Variants in ZNF398 observed in about 807,000 individuals in gnomAD.
The protein encoded by ZNF398 is zinc finger protein 398.
In ZNF398, 18 loss-of-function variants were observed where a neutral mutation model predicts 41.9. That is an observed-to-expected ratio of 0.43 (90% CI 0.30 to 0.64). The LOEUF is 0.64. Ranked by LOEUF, ZNF398 falls within the 30% of genes least tolerant of loss-of-function variation. The pLI, the probability that ZNF398 is intolerant of heterozygous loss-of-function variation, is 0.14. For missense variants in ZNF398, 669 were observed against 822.8 expected, an observed-to-expected ratio of 0.81 and a Z score of 2.29; for synonymous variants, 260 against 308.8, an observed-to-expected ratio of 0.84 and a Z score of 1.66.
chr7:149,157,276 T>C (rs1169435752), intron 2 of ZNF398, among the ~76,000 whole-genome samples: 1 of 152,172 alleles, frequency 6.6e-6, no homozygotes, highest in East Asian at 1.9e-4. Context: ...GGCTAATGCC[T>C]GTAATCCCAG....
chr7:149,171,367 A>AT (rs1795339518), intron 4 of ZNF398, among the ~76,000 whole-genome samples: 1 of 151,658 alleles, frequency 6.6e-6, no homozygotes, highest in Non-Finnish European at 1.5e-5. Context: ...CTATTTTTAA[A>AT]TTTTTTTACT....
At chr7:149,159,317 A>C (rs186311996) in intron 2 of ZNF398, among the ~76,000 whole-genome samples, 1 of 152,150 alleles carries the variant, frequency 6.6e-6, no homozygotes, top group African/African-American at 2.4e-5. Context: ...TACTAAATTG[A>C]AATATGAGAA....
chr7:149,171,017 T>G (rs6975613), intron 4 of ZNF398, among the ~76,000 whole-genome samples: 79,697 of 138,212 alleles, frequency 0.58, 24,425 homozygotes, highest in East Asian at 0.9. Flanking sequence ...CTAATTTTTT[T>G]TTTTTTTTTT....
intron 1 of ZNF398, 31 bp from the exon 2 acceptor site, chr7:149,153,914 A>G (rs1419379030): frequency 2.5e-6 from 4 of 1,580,892 alleles, no homozygotes; most frequent in East Asian, 2.2e-5. Context: ...CTAACACTCA[A>G]TGTCTTGTTC....
At chr7:149,137,873 A>G (rs1826745355) in intron 2 of ZNF398, among the ~76,000 whole-genome samples, 1 of 152,208 alleles carries the variant, frequency 6.6e-6, no homozygotes, top group Non-Finnish European at 1.5e-5. Flanking sequence ...AGCATCCATA[A>G]GATGAAATAT....
At chr7:149,170,717 AGAGC>A (rs1489683638) in intron 4 of ZNF398, among the ~76,000 whole-genome samples, 11 of 152,046 alleles carry the variant, frequency 7.2e-5, no homozygotes, top group Admixed American at 5.9e-4. Context: ...CCTGGGCAAC[AGAGC>A]GAGACTCCAT....
chr7:149,133,250 G>A (rs1267374536), intron 2 of ZNF398, among the ~76,000 whole-genome samples: 3 of 151,684 alleles, frequency 2.0e-5, no homozygotes, highest in Non-Finnish European at 4.4e-5. Flanking sequence ...CAAGTAGCTG[G>A]GATTATAGGC....
chr7:149,164,868 G>C (rs571490065), intron 2 of ZNF398, among the ~76,000 whole-genome samples: 3 of 152,286 alleles, frequency 2.0e-5, no homozygotes, highest in African/African-American at 7.2e-5. Context: ...GGCTGAGGCA[G>C]GTGGATCACG....
intron 2 of ZNF398, among the ~76,000 whole-genome samples, chr7:149,160,578 C>G (rs1795088070): frequency 6.6e-6 from 1 of 152,234 alleles, no homozygotes; most frequent in Non-Finnish European, 1.5e-5. Context: ...ATGCCAGCCC[C>G]ATGTCTTGTC....
chr7:149,162,192 T>A (rs961470235), intron 2 of ZNF398, among the ~76,000 whole-genome samples: 1 of 151,926 alleles, frequency 6.6e-6, no homozygotes, highest in Non-Finnish European at 1.5e-5. Flanking sequence ...TGGTTAATTT[T>A]TTTTTTTGAG....
intron 2 of ZNF398, among the ~76,000 whole-genome samples, chr7:149,155,734 T>TTTATTA (rs1563159643): frequency 1.8e-5 from 2 of 110,648 alleles, no homozygotes; most frequent in African/African-American, 4.1e-5. Flanking sequence ...TTTTTTAATT[T>TTTATTA]TTTTTTTTTT....
intron 5 of ZNF398, 134 bp downstream of exon 5, chr7:149,176,715 A>T: frequency 1.7e-6 from 1 of 572,502 alleles, no homozygotes; most frequent in Non-Finnish European, 3.1e-6. Flanking sequence ...CATGCTCAAC[A>T]TTATGAATGA....
In ZNF398 at chr7:149,148,863, CT is replaced by C. The variant is rs59895177; in HGVS notation, c.24+1125del. ...TTTATGCACGGACCTTTTTCTTTGT[CT>C]TTTTTTTTTTTTTTTTTTTTTTTTT... On this transcript the variant is annotated intron_variant, in intron 1 of 5. Coordinates refer to ENST00000475153, the MANE Select transcript of ZNF398 (RefSeq NM_170686.3). Among the ~76,000 whole-genome samples, 80 of 63,284 alleles carry C rather than the reference CT, an allele frequency of 1.3e-3. 1 individual carries two copies. The highest frequency in any genetic ancestry group is 4.8e-3 in the African/African-American group (70 of 14,462). The allele number at this position is 63,284 out of a possible 152,430, so 41.5% of individuals were successfully genotyped here. A position where few individuals can be genotyped will look rare whatever the true frequency, so the allele number is the denominator to read the frequency against.
At chr7:149,151,510 C>T (rs1401750080) in intron 1 of ZNF398, among the ~76,000 whole-genome samples, 2 of 152,024 alleles carry the variant, frequency 1.3e-5, no homozygotes, top group Non-Finnish European at 1.5e-5. Flanking sequence ...CCTAGTCCAA[C>T]TTATTTGTTG....
At chr7:149,173,795 T>C (rs1050650156) in intron 4 of ZNF398, among the ~76,000 whole-genome samples, 18 of 135,410 alleles carry the variant, frequency 1.3e-4, no homozygotes, top group Non-Finnish European at 2.4e-4. Flanking sequence ...CTTTTTTTTT[T>C]TTTTTTTTTT....
At chr7:149,138,212 A>AG (rs1491365091) in intron 2 of ZNF398, among the ~76,000 whole-genome samples, 1 of 151,308 alleles carries the variant, frequency 6.6e-6, no homozygotes, top group Non-Finnish European at 1.5e-5. Flanking sequence ...AAAAAAAAAA[A>AG]GAAAAAAAAA....
chr7:149,166,099 G>T, intron 2 of ZNF398, 59 bp from the exon 3 acceptor site: 1 of 1,540,336 alleles, frequency 6.5e-7, no homozygotes, highest in Non-Finnish European at 8.8e-7. Context: ...ATTGGAAAGA[G>T]ATTTATTGAA....
chr7:149,155,708 T>TATATA (rs1320419899), intron 2 of ZNF398, among the ~76,000 whole-genome samples: 145 of 11,372 alleles, frequency 0.013, 1 homozygote, highest in Non-Finnish European at 0.023. Context: ...TATATATATA[T>TATATA]TTTTTTTTTT....
rs1249363677 is a variant in ZNF398 at position 149,179,610 on chromosome 7, C to T, written c.1738C>T (p.Gln580Ter). ...SYCGRSFRYKQTLKDHLRSGH... is the reference protein window; with the variant it reads ...SYCGRSFRYK Reference sequence around the variant, plus strand: ...CTGTGGCAGGAGCTTCCGCTACAAACAGACACTCAAGGACCACCTCCGTTC... The same window carrying T: ...CTGTGGCAGGAGCTTCCGCTACAAATAGACACTCAAGGACCACCTCCGTTC... The change falls in exon 6 of 6, where the codon CAG becomes TAG. Residue 580 changes from glutamine to a stop codon, truncating the protein, a stop_gained. Coordinates refer to ENST00000475153, the MANE Select transcript of ZNF398 (RefSeq NM_170686.3). LOFTEE classifies it high-confidence loss of function. This position sits in a 1 kb window ranked among gnomAD's most constrained non-coding sequence, Gnocchi z 6.1. 6.2e-7 allele frequency: 1 copy of T among 1,614,162 alleles called. No individual in the cohort carries two copies. The highest frequency in any genetic ancestry group is 1.1e-5 in the South Asian group (1 of 91,082).
Sources: gnomAD v4.1 joint callset for allele counts (sites outside exome capture counted in the v4.1 genomes callset) on GRCh38, gnomAD v4.1.1 for gene constraint, Gnocchi (gnomAD v3.1) non-coding constraint, MANE v1.5 for transcripts, NCBI Gene and HGNC (gene_info 2026-07-23, HGNC 2026-07-21) for gene names.